Variants in SERINC3 observed in about 807,000 individuals in gnomAD.
The protein encoded by SERINC3 is tumor differentially expressed protein 1.
Under a neutral mutation model 52.1 loss-of-function variants are expected in SERINC3, and 22 were observed. The ratio of observed to expected loss-of-function variants is 0.42; its 90% CI spans 0.30 to 0.60. The LOEUF is 0.60. Among genes scored for constraint, SERINC3 ranks in the 20% least tolerant of loss-of-function variants. The pLI is 0.16. For synonymous variants in SERINC3, 226 were observed against 212.7 expected, an observed-to-expected ratio of 1.06 and a Z score of -0.54; for missense variants, 564 against 584.6, an observed-to-expected ratio of 0.96 and a Z score of 0.36.
At chr20:44,518,105 T>G (rs1435839415) in intron 1 of SERINC3, among the ~76,000 whole-genome samples, 1 of 152,092 alleles carries the variant, frequency 6.6e-6, no homozygotes, top group African/African-American at 2.4e-5. Flanking sequence ...AAGCCACAAC[T>G]ATCATCTCTC....
At chr20:44,503,500 T>C (rs553735192) in intron 8 of SERINC3, among the ~76,000 whole-genome samples, 1 of 152,166 alleles carries the variant, frequency 6.6e-6, no homozygotes, top group Admixed American at 6.5e-5. Context: ...ATACAAAAAT[T>C]AGCCAGGCAT....
chr20:44,515,507 A>C (rs2064374537), intron 1 of SERINC3, among the ~76,000 whole-genome samples: 1 of 152,222 alleles, frequency 6.6e-6, no homozygotes, highest in Non-Finnish European at 1.5e-5. Context: ...AGAATAAGTG[A>C]ATCTAGAGAC....
At position 44,518,139 on chromosome 20, in the gene SERINC3, C is replaced by T. The variant is rs547283351; in HGVS notation, c.39+3774G>A. The stretch of plus-strand genomic sequence containing the variant: ...TCATCTGGATTAAGCGCAAAAGTTC[C>T]CATCTCACAGCTGTAGCGACCCATT... On this transcript the variant is annotated intron_variant, in intron 1 of 9. Coordinates refer to ENST00000342374, the MANE Select transcript of SERINC3 (RefSeq NM_006811.4). Among the ~76,000 whole-genome samples, 3 of 152,130 alleles carry T rather than the reference C, an allele frequency of 2.0e-5. No individual in the cohort carries two copies. The South Asian group carries it at 6.2e-4, about 32-fold the overall frequency.
In SERINC3 at chr20:44,514,138, T is replaced by G. The variant is rs187729177; in HGVS notation, c.40-98A>C. 1.3e-5 allele frequency: 16 copies of G among 1,278,134 alleles called. No homozygotes were observed. In the African/African-American group the frequency reaches 2.0e-4, roughly 16 times the overall value. The allele number at this position is 1,278,134 out of a possible 1,614,324, so 79.2% of individuals were successfully genotyped here. ...AGAAAGCGAGGCAAATCAGGCTTTATAGTTTTAACTCAGAGAATCATGGCT... is the reference window on the plus strand; with the variant it reads ...AGAAAGCGAGGCAAATCAGGCTTTAGAGTTTTAACTCAGAGAATCATGGCT... On this transcript the variant is annotated intron_variant, in intron 1 of 9. Transcript: ENST00000342374.
chr20:44,506,126 C>T (rs561059270), intron 6 of SERINC3, among the ~76,000 whole-genome samples: 2 of 151,178 alleles, frequency 1.3e-5, no homozygotes, highest in East Asian at 2.0e-4. Context: ...CATGGTGAAA[C>T]CCCGTCTCAA....
downstream of SERINC3, among the ~76,000 whole-genome samples, chr20:44,497,145 T>C (rs1243190541): frequency 6.6e-6 from 1 of 152,166 alleles, no homozygotes; most frequent in Non-Finnish European, 1.5e-5. Flanking sequence ...AGCCCTTTCA[T>C]AGTGATGAAA....
rs2064270412 is a variant in SERINC3, at chr20:44,500,235, T to C, written c.*61A>G. 6.4e-7 allele frequency: 1 copy of C among 1,550,824 alleles called. No individual in the cohort carries two copies. The highest frequency in any genetic ancestry group is 8.8e-7 in the Non-Finnish European group (1 of 1,140,988). ...TTAGTTGAAACAAACTTAAAAGGTA[T>C]ATGGGTTTTCGGTGAAGGAGACCTT... On this transcript the variant is annotated 3_prime_UTR_variant, in exon 10 of 10. Coordinates refer to ENST00000342374, the MANE Select transcript of SERINC3 (RefSeq NM_006811.4).
chr20:44,507,231 G>T (rs1444664079), intron 5 of SERINC3, among the ~76,000 whole-genome samples: 1 of 152,164 alleles, frequency 6.6e-6, no homozygotes, highest in Admixed American at 6.5e-5. Flanking sequence ...TACCTGATTT[G>T]ATTTCATGGG....
chr20:44,514,760 C>T (rs375406534), intron 1 of SERINC3, among the ~76,000 whole-genome samples: 162 of 151,400 alleles, frequency 1.1e-3, no homozygotes, highest in Middle Eastern at 6.8e-3. Context: ...GACTCCATCT[C>T]AAAAAAATAA....
At chr20:44,520,282 A>G (rs770065536) in intron 1 of SERINC3, among the ~76,000 whole-genome samples, 4 of 152,136 alleles carry the variant, frequency 2.6e-5, no homozygotes, top group Non-Finnish European at 5.9e-5. Context: ...AGGCTGAAAC[A>G]TGAGAATCCC....
intron 1 of SERINC3, 113 bp from the exon 2 acceptor site, chr20:44,514,153 G>T: frequency 8.7e-7 from 1 of 1,146,006 alleles, no homozygotes; most frequent in Non-Finnish European, 1.2e-6. Flanking sequence ...TTAACTCAGA[G>T]AATCATGGCT....
chr20:44,504,655 C>A, intron 7 of SERINC3, 146 bp downstream of exon 7: 1 of 586,242 alleles, frequency 1.7e-6, no homozygotes, highest in South Asian at 2.4e-5. Flanking sequence ...AAGGTAAATA[C>A]CTACAAACCT....
At chr20:44,501,937 A>G (rs907039026) in intron 8 of SERINC3, among the ~76,000 whole-genome samples, 2 of 152,214 alleles carry the variant, frequency 1.3e-5, no homozygotes, top group South Asian at 2.1e-4. Flanking sequence ...ACATCTCACA[A>G]ATCCAATACC....
rs1271030233 is a variant in SERINC3, at chr20:44,512,826, C to T, written c.370G>A (p.Asp124Asn). The change falls in exon 3 of 10, where the codon GAT becomes AAT. Residue 124 changes from aspartate (D) to asparagine (N), a missense_variant. Coordinates refer to ENST00000342374, the MANE Select transcript of SERINC3 (RefSeq NM_006811.4). ...LLMFKVKTSK[D>N]LRAAVHNGFW... ...CCATTGTGTACTGCCGCTCGGAGATCTTTACTTGTTTTTACTTTGAACATG... is the reference window on the plus strand; with the variant it reads ...CCATTGTGTACTGCCGCTCGGAGATTTTTACTTGTTTTTACTTTGAACATG... The T allele has an allele frequency of 6.3e-7, 1 of 1,576,512 alleles. No homozygotes were observed. The highest frequency in any genetic ancestry group is 1.4e-5 in the African/African-American group (1 of 72,192).
chr20:44,513,587 A>G (rs144420103), intron 2 of SERINC3, among the ~76,000 whole-genome samples: 1 of 152,320 alleles, frequency 6.6e-6, no homozygotes. Context: ...CCAAAGGTGA[A>G]GAACTAGTCC....
Position 44,498,011 on chromosome 20 carries a change from G to C in SERINC3, c.*2285C>G, listed in dbSNP as rs1468771058. 1 of 152,142 alleles carries C rather than the reference G, an allele frequency of 6.6e-6. No individual in the cohort carries two copies. Among genetic ancestry groups the C allele is most frequent in the Admixed American group, 6.6e-5 (1 of 15,256 alleles). The allele number at this position is 152,142 out of a possible 1,614,324, so 9.4% of individuals were successfully genotyped here. A position where few individuals can be genotyped will look rare whatever the true frequency, so the allele number is the denominator to read the frequency against. ...CCAACACTGAGGCTCAGCTGCCTGT[G>C]GTCATAAATCAAATAGTACGTACTC... On this transcript the variant is annotated 3_prime_UTR_variant, in exon 10 of 10. Coordinates refer to ENST00000342374, the MANE Select transcript of SERINC3 (RefSeq NM_006811.4).
At position 44,497,834 on chromosome 20, in the gene SERINC3, T is replaced by A. The variant is rs1428396715; in HGVS notation, c.*2462A>T. 1 of 152,222 alleles carries A rather than the reference T, an allele frequency of 6.6e-6. No homozygotes were observed. 9.4% of individuals were successfully genotyped at this position (152,222 alleles called of 1,614,324 possible). A position where few individuals can be genotyped will look rare whatever the true frequency, so the allele number is the denominator to read the frequency against. ...AACAAAATCTGAAATCCAGCCTCCA[T>A]CAGATTCTGGCTAGATATCTCTGAC... On this transcript the variant is annotated 3_prime_UTR_variant, in exon 10 of 10. Coordinates refer to ENST00000342374, the MANE Select transcript of SERINC3 (RefSeq NM_006811.4).
At chr20:44,520,863 G>C (rs2064412217) in intron 1 of SERINC3, among the ~76,000 whole-genome samples, 1 of 152,186 alleles carries the variant, frequency 6.6e-6, no homozygotes, top group African/African-American at 2.4e-5. Flanking sequence ...GGGAGGTCAC[G>C]GGAACTTTGA....
intron 1 of SERINC3, among the ~76,000 whole-genome samples, chr20:44,516,797 C>A (rs577621338): frequency 6.6e-6 from 1 of 152,050 alleles, no homozygotes; most frequent in Non-Finnish European, 1.5e-5. Context: ...TGGGCTCAAG[C>A]GATCCTCTGG....
Sources: gnomAD v4.1 joint callset for allele counts (sites outside exome capture counted in the v4.1 genomes callset) on GRCh38, gnomAD v4.1.1 for gene constraint, MANE v1.5 for transcripts, NCBI Gene and HGNC (gene_info 2026-07-23, HGNC 2026-07-21) for gene names.